Variants in NKAIN2 observed in about 807,000 individuals in gnomAD.
The protein encoded by NKAIN2 is sodium/potassium-transporting ATPase subunit beta-1-interacting protein 2.
NKAIN2 carries 14 observed loss-of-function variants against 32.6 expected under a neutral mutation model. The observed-to-expected ratio is 0.43, with a 90% CI of 0.28 to 0.67. The LOEUF is 0.67. Among genes scored for constraint, NKAIN2 ranks in the 30% least tolerant of loss-of-function variants. The pLI, the probability that NKAIN2 is intolerant of heterozygous loss-of-function variation, is 0.17. For missense variants in NKAIN2, 198 were observed against 258.3 expected (o/e 0.77, Z 1.60); for synonymous variants, 80 against 87.2 (o/e 0.92, Z 0.46).
intron 1 of NKAIN2, among the ~76,000 whole-genome samples, chr6:124,075,589 C>A (rs988567404): frequency 6.6e-6 from 1 of 151,888 alleles, no homozygotes; most frequent in Non-Finnish European, 1.5e-5. Context: ...AAGTATGTTA[C>A]TTTATTTATT....
intron 3 of NKAIN2, among the ~76,000 whole-genome samples, chr6:124,547,371 C>T (rs1347091785): frequency 6.6e-6 from 1 of 151,918 alleles, no homozygotes; most frequent in Non-Finnish European, 1.5e-5. Flanking sequence ...ACTAAATAAT[C>T]ACCACAAACT....
intron 4 of NKAIN2, among the ~76,000 whole-genome samples, chr6:124,706,604 T>C (rs1286819620): frequency 6.6e-6 from 1 of 151,986 alleles, no homozygotes; most frequent in Non-Finnish European, 1.5e-5. Flanking sequence ...CAGGGCAGAC[T>C]CAAAGAGCTG....
intron 1 of NKAIN2, among the ~76,000 whole-genome samples, chr6:124,280,794 C>A (rs56141656): frequency 0.19 from 28,905 of 152,050 alleles, 2,977 homozygotes; most frequent in East Asian, 0.26. Context: ...ACTTTTCAGA[C>A]AATCTTGCAT....
chr6:124,409,903 C>T (rs974531725), intron 3 of NKAIN2, among the ~76,000 whole-genome samples: 3 of 152,288 alleles, frequency 2.0e-5, no homozygotes, highest in African/African-American at 7.2e-5. Context: ...GATTCAACTG[C>T]TTCCTAGTTT....
Position 124,108,041 on chromosome 6 carries a change from C to T in NKAIN2, c.55-174964C>T, listed in dbSNP as rs75549429. Among the ~76,000 whole-genome samples, 840 of 152,072 alleles carry T rather than the reference C, an allele frequency of 5.5e-3. 6 individuals are homozygous for T. Among genetic ancestry groups the T allele is most frequent in the African/African-American group, 0.02 (816 of 41,498 alleles). The stretch of plus-strand genomic sequence containing the variant: ...TATTTTAATTCTTTTGGATAAATGC[C>T]TAGAAATGGGATATTTGGATTGTTT... On this transcript the variant is annotated intron_variant, in intron 1 of 6. Coordinates refer to ENST00000368417, the MANE Select transcript of NKAIN2 (RefSeq NM_001040214.3).
intron 1 of NKAIN2, among the ~76,000 whole-genome samples, chr6:124,017,553 G>C (rs977159074): frequency 1.3e-5 from 2 of 152,142 alleles, no homozygotes; most frequent in African/African-American, 4.8e-5. Context: ...ATACAATGGG[G>C]GTATAGGCAT....
chr6:124,682,799 T>A (rs1156800182), intron 4 of NKAIN2, among the ~76,000 whole-genome samples: 5 of 152,176 alleles, frequency 3.3e-5, no homozygotes, highest in South Asian at 2.1e-4. Context: ...GTCTTTTTTT[T>A]ATTTTGTGAG....
chr6:124,411,862 A>T (rs572697478), intron 3 of NKAIN2, among the ~76,000 whole-genome samples: 3 of 152,200 alleles, frequency 2.0e-5, no homozygotes, highest in South Asian at 4.1e-4. Flanking sequence ...TCCATATTTC[A>T]TGGAGGCTTT....
intron 1 of NKAIN2, among the ~76,000 whole-genome samples, chr6:124,057,596 G>A (rs1423886791): frequency 6.6e-6 from 1 of 150,962 alleles, no homozygotes; most frequent in Non-Finnish European, 1.5e-5. Flanking sequence ...CTGGCAAGAA[G>A]CGTCAGCAGT....
chr6:124,220,685 C>T (rs1008337700), intron 1 of NKAIN2, among the ~76,000 whole-genome samples: 1 of 151,162 alleles, frequency 6.6e-6, no homozygotes, highest in African/African-American at 2.4e-5. Context: ...ATAATTTTGC[C>T]CCAAATTATA....
intron 1 of NKAIN2, among the ~76,000 whole-genome samples, chr6:124,220,097 A>G (rs563949163): frequency 2.6e-5 from 4 of 152,018 alleles, no homozygotes; most frequent in Non-Finnish European, 5.9e-5. Flanking sequence ...GTTGAGGGAG[A>G]GACCTGGAGG....
chr6:123,914,306 G>C (rs191400193), intron 1 of NKAIN2, among the ~76,000 whole-genome samples: 7 of 151,914 alleles, frequency 4.6e-5, no homozygotes, highest in African/African-American at 1.4e-4. Context: ...AGAGAGGGAG[G>C]GAGAAAGAGG....
rs1180584170 is a variant in NKAIN2, at chr6:124,627,269, CA to C, written c.274-30907del. Among the ~76,000 whole-genome samples the C allele has an allele frequency of 2.9e-4, 42 of 146,430 alleles. No homozygotes were observed. In the South Asian group the frequency reaches 8.4e-3, roughly 29 times the overall value. On this transcript the variant is annotated intron_variant, in intron 3 of 6. Transcript: ENST00000368417. ...TGGGTGACAGAGCAAGACACGGTCT[CA>C]AAAAAAAAATTAAACTACAGTGTGA...
chr6:124,530,194 G>C (rs1225030921), intron 3 of NKAIN2, among the ~76,000 whole-genome samples: 2 of 152,120 alleles, frequency 1.3e-5, no homozygotes, highest in East Asian at 3.8e-4. Context: ...CTGATGACCA[G>C]GAACCTTACA....
At chr6:123,959,947 G>A (rs1330630378) in intron 1 of NKAIN2, among the ~76,000 whole-genome samples, 1 of 151,182 alleles carries the variant, frequency 6.6e-6, no homozygotes, top group Non-Finnish European at 1.5e-5. Flanking sequence ...GTGTGTGTGT[G>A]TGTGTGTGTG....
chr6:124,685,596 GA>G (rs1188187522), intron 4 of NKAIN2, among the ~76,000 whole-genome samples: 2 of 152,030 alleles, frequency 1.3e-5, no homozygotes, highest in Admixed American at 1.3e-4. Context: ...AATGCACAAT[GA>G]AAAAAATTCT....
chr6:123,899,566 G>A (rs1221383905), intron 1 of NKAIN2, among the ~76,000 whole-genome samples: 1 of 152,102 alleles, frequency 6.6e-6, no homozygotes, highest in Admixed American at 6.5e-5. Context: ...TATAGCAGAT[G>A]TAATCTTCAC....
At chr6:124,262,838 T>C (rs1794315390) in intron 1 of NKAIN2, among the ~76,000 whole-genome samples, 1 of 152,124 alleles carries the variant, frequency 6.6e-6, no homozygotes, top group Non-Finnish European at 1.5e-5. Context: ...ATTGCTGTGG[T>C]TGGAAATGTG....
At chr6:124,698,211 A>G (rs1359385819) in intron 4 of NKAIN2, among the ~76,000 whole-genome samples, 1 of 152,198 alleles carries the variant, frequency 6.6e-6, no homozygotes, top group Non-Finnish European at 1.5e-5. Flanking sequence ...CAGTGTGGGC[A>G]CTTCAGAGGG....
Sources: gnomAD v4.1 joint callset for allele counts (sites outside exome capture counted in the v4.1 genomes callset) on GRCh38, gnomAD v4.1.1 for gene constraint, MANE v1.5 for transcripts, NCBI Gene and HGNC (gene_info 2026-07-23, HGNC 2026-07-21) for gene names.